Variants in ATXN7L1 observed in about 807,000 individuals in gnomAD.
The protein encoded by ATXN7L1 is ataxin 7 like 1.
Under a neutral mutation model 70.8 loss-of-function variants are expected in ATXN7L1, and 15 were observed. The observed-to-expected ratio is 0.21, with a 90% CI of 0.14 to 0.33. The LOEUF (loss-of-function observed/expected upper bound fraction) is 0.33, where lower values mean the gene tolerates loss of function less well. ATXN7L1 is among the 10% of genes least tolerant of loss of function. The pLI is 1.00. For missense variants in ATXN7L1, 975 were observed against 1,097.1 expected, an observed-to-expected ratio of 0.89 and a Z score of 1.57; for synonymous variants, 440 against 445.1, an observed-to-expected ratio of 0.99 and a Z score of 0.14.
intron 7 of ATXN7L1, among the ~76,000 whole-genome samples, chr7:105,637,092 G>A (rs1002191006): frequency 6.6e-6 from 1 of 152,150 alleles, no homozygotes; most frequent in Non-Finnish European, 1.5e-5. Context: ...GCATGTCAAC[G>A]GTGACAGTAA....
intron 3 of ATXN7L1, among the ~76,000 whole-genome samples, chr7:105,743,109 C>T (rs1204826030): frequency 6.6e-6 from 1 of 152,114 alleles, no homozygotes; most frequent in African/African-American, 2.4e-5. Context: ...TCAGATCTGG[C>T]CTCCCAGCTT....
chr7:105,640,511 A>G (rs546854287), intron 5 of ATXN7L1, among the ~76,000 whole-genome samples: 19 of 152,250 alleles, frequency 1.2e-4, no homozygotes, highest in African/African-American at 4.6e-4. Context: ...CTTAAAAATG[A>G]GGGGATGTGA....
chr7:105,834,757 C>T (rs188088055), intron 2 of ATXN7L1, among the ~76,000 whole-genome samples: 9 of 152,260 alleles, frequency 5.9e-5, no homozygotes, highest in South Asian at 2.1e-4. Context: ...ACTTCAATAA[C>T]GTTCAGAGAA....
intron 2 of ATXN7L1, among the ~76,000 whole-genome samples, chr7:105,859,530 A>G (rs994780563): frequency 1.3e-5 from 2 of 152,144 alleles, no homozygotes; most frequent in African/African-American, 4.8e-5. Context: ...CTATGTTTCA[A>G]TCTGTTTAGA....
chr7:105,645,224 C>A (rs190301802), intron 4 of ATXN7L1, among the ~76,000 whole-genome samples: 2 of 152,028 alleles, frequency 1.3e-5, no homozygotes, highest in Admixed American at 1.3e-4. Context: ...CTGAAATGTA[C>A]ATTAAAAACG....
At chr7:105,733,555 CACCCA>C (rs1342053505) in intron 3 of ATXN7L1, among the ~76,000 whole-genome samples, 1,198 of 82,190 alleles carry the variant, frequency 0.015, 16 homozygotes, top group African/African-American at 0.027. Flanking sequence ...TCCATCCATC[CACCCA>C]TCCATCCTTC....
chr7:105,723,370 T>G (rs999194898), intron 3 of ATXN7L1, among the ~76,000 whole-genome samples: 1 of 152,228 alleles, frequency 6.6e-6, no homozygotes, highest in Non-Finnish European at 1.5e-5. Flanking sequence ...GAAAACTTCC[T>G]GGCACACAGT....
intron 2 of ATXN7L1, among the ~76,000 whole-genome samples, chr7:105,860,839 G>GGAT (rs1444822742): frequency 6.6e-6 from 1 of 152,160 alleles, no homozygotes; most frequent in African/African-American, 2.4e-5. Context: ...AAAGAAAAGG[G>GGAT]GATGATATGA....
intron 3 of ATXN7L1, among the ~76,000 whole-genome samples, chr7:105,748,489 T>C (rs1798834553): frequency 6.6e-6 from 1 of 152,208 alleles, no homozygotes; most frequent in Admixed American, 6.5e-5. Flanking sequence ...TGATTGGATG[T>C]TACCTGTTGG....
intron 2 of ATXN7L1, among the ~76,000 whole-genome samples, chr7:105,805,375 G>A (rs1807417148): frequency 6.6e-6 from 1 of 152,190 alleles, no homozygotes. Flanking sequence ...AAGTTCAGGG[G>A]GCTGGCAGCT....
At chr7:105,765,109 T>C (rs1584950302) in intron 3 of ATXN7L1, among the ~76,000 whole-genome samples, 1 of 151,836 alleles carries the variant, frequency 6.6e-6, no homozygotes, top group East Asian at 1.9e-4. Context: ...CTGAGGCAGG[T>C]GATCACTTGA....
chr7:105,721,772 G>A (rs1438811816), intron 3 of ATXN7L1, among the ~76,000 whole-genome samples: 1 of 152,212 alleles, frequency 6.6e-6, no homozygotes, highest in Non-Finnish European at 1.5e-5. Flanking sequence ...TGGCCCACAG[G>A]GCTCTGCTTT....
Position 105,643,014 on chromosome 7 carries a change from G to C in ATXN7L1, c.686C>G (p.Ser229Cys), listed in dbSNP as rs1396083347. 6.4e-7 allele frequency: 1 copy of C among 1,551,692 alleles called. No homozygotes were observed. Among genetic ancestry groups the C allele is most frequent in the African/African-American group, 1.4e-5 (1 of 73,038 alleles). The change falls in exon 5 of 12, where the codon TCC becomes TGC. Residue 229 changes from serine to cysteine, a missense_variant. This residue lies in a region of ATXN7L1 where 192 missense variants were observed against 215.5 expected (regional missense o/e 0.89). Transcript: ENST00000419735. ...STTTTAVSAS[S>C]TSSSAVSTPP... The stretch of plus-strand genomic sequence containing the variant: ...GGTGGAGACGGCAGAGGACGAGGTG[G>C]AGGAGGCAGAAACTGCAGTAGTGGT...
chr7:105,824,935 C>A (rs1478824455), intron 2 of ATXN7L1, among the ~76,000 whole-genome samples: 66 of 145,016 alleles, frequency 4.6e-4, no homozygotes, highest in African/African-American at 1.2e-3. Context: ...AAAAAAAAAA[C>A]AAAAAAATAA....
At chr7:105,744,703 A>G (rs971582521) in intron 3 of ATXN7L1, among the ~76,000 whole-genome samples, 2 of 151,118 alleles carry the variant, frequency 1.3e-5, no homozygotes, top group East Asian at 3.9e-4. Flanking sequence ...ACTAAATGCA[A>G]TATGTACTCC....
intron 3 of ATXN7L1, among the ~76,000 whole-genome samples, chr7:105,753,380 G>A (rs1001378524): frequency 3.3e-5 from 5 of 152,214 alleles, no homozygotes; most frequent in Non-Finnish European, 7.3e-5. Context: ...CAGTCTGGGA[G>A]GAAGAAAGTC....
intron 2 of ATXN7L1, among the ~76,000 whole-genome samples, chr7:105,838,916 T>C (rs1432547771): frequency 6.6e-6 from 1 of 152,130 alleles, no homozygotes; most frequent in Non-Finnish European, 1.5e-5. Flanking sequence ...GGAACCTCAG[T>C]CACTCCCAAC....
intron 7 of ATXN7L1, among the ~76,000 whole-genome samples, chr7:105,627,550 T>A (rs1584382910): frequency 6.9e-6 from 1 of 143,926 alleles, no homozygotes; most frequent in East Asian, 2.1e-4. Context: ...TTTTTTTTTT[T>A]AGAAAGAGTC....
At chr7:105,698,042 C>T (rs1019961026) in intron 3 of ATXN7L1, among the ~76,000 whole-genome samples, 5 of 152,174 alleles carry the variant, frequency 3.3e-5, no homozygotes, top group African/African-American at 1.2e-4. Context: ...AGGATGGAGA[C>T]TGAGCTTTTG....
Sources: gnomAD v4.1 joint callset for allele counts (sites outside exome capture counted in the v4.1 genomes callset) on GRCh38, gnomAD v4.1.1 for gene constraint, gnomAD v4.1.1 regional missense constraint, MANE v1.5 for transcripts, NCBI Gene and HGNC (gene_info 2026-07-23, HGNC 2026-07-21) for gene names.